The following NT5E variants were observed in gnomAD, a reference collection of about 807,000 sequenced individuals.
The protein encoded by NT5E is 5'-nucleotidase.
Under a neutral mutation model 55.1 loss-of-function variants are expected in NT5E, and 53 were observed. That is an observed-to-expected ratio of 0.96 (90% CI 0.77 to 1.21). The LOEUF is 1.21. Ranked by LOEUF, NT5E falls within the 50% of genes most tolerant of loss-of-function variation. The pLI is 0.00. For synonymous variants in NT5E, 270 were observed against 278.4 expected (o/e 0.97, Z 0.30); for missense variants, 683 against 724.3 (o/e 0.94, Z 0.65).
Position 85,471,219 on chromosome 6 carries a change from A to G in NT5E, c.563-18A>G, listed in dbSNP as rs1247882980. ...AAAATTGTTAATAAATATCCATTTT[A>G]TTTATTTTGTTCCTTAGGGACAAAT... On this transcript the variant is annotated intron_variant, in intron 2 of 8. Transcript: ENST00000257770. 2 of 1,555,490 alleles carry G rather than the reference A, an allele frequency of 1.3e-6. No individual in the cohort carries two copies.
intron 3 of NT5E, among the ~76,000 whole-genome samples, chr6:85,480,254 C>A (rs147514614): frequency 2.0e-5 from 3 of 152,168 alleles, no homozygotes; most frequent in Admixed American, 6.5e-5. Flanking sequence ...TGTATACTAC[C>A]GGAAGATGCA....
intron 1 of NT5E, among the ~76,000 whole-genome samples, chr6:85,459,161 C>T (rs926767723): frequency 2.0e-5 from 3 of 152,004 alleles, no homozygotes; most frequent in East Asian, 1.9e-4. Flanking sequence ...AGAGAGTCTC[C>T]CAATGTTGCC....
At chr6:85,468,490 C>A (rs1229769317) in intron 2 of NT5E, among the ~76,000 whole-genome samples, 2 of 152,192 alleles carry the variant, frequency 1.3e-5, no homozygotes, top group African/African-American at 4.8e-5. Flanking sequence ...AGGATGCAGG[C>A]TCCATGAGGA....
chr6:85,491,909 G>A (rs1769793228), intron 7 of NT5E, 68 bp from the exon 8 acceptor site: 1 of 1,481,666 alleles, frequency 6.7e-7, no homozygotes, highest in East Asian at 2.3e-5. Flanking sequence ...GTAGAGTTTG[G>A]CCAAAATTCC....
intron 3 of NT5E, among the ~76,000 whole-genome samples, chr6:85,483,152 C>T (rs900274975): frequency 5.9e-5 from 9 of 152,176 alleles, no homozygotes; most frequent in Non-Finnish European, 1.2e-4. Context: ...CTACGGAAGG[C>T]AGAAAGATAA....
intron 1 of NT5E, among the ~76,000 whole-genome samples, chr6:85,464,966 C>G (rs1420022931): frequency 6.6e-6 from 1 of 152,144 alleles, no homozygotes; most frequent in Non-Finnish European, 1.5e-5. Flanking sequence ...AAGCTTGGGA[C>G]ACTTTTGAGA....
chr6:85,487,446 G>T lies in NT5E; in HGVS notation c.1061G>T (p.Arg354Leu). 1 of 1,614,160 alleles carries T rather than the reference G, an allele frequency of 6.2e-7. No homozygotes were observed. The highest frequency in any genetic ancestry group is 8.5e-7 in the Non-Finnish European group (1 of 1,180,016). The change falls in exon 5 of 9, where the codon CGC becomes CTC. Residue 354 changes from arginine to leucine, a missense_variant. Coordinates refer to ENST00000257770, the MANE Select transcript of NT5E (RefSeq NM_002526.4). ...CTGGATGGCTCCTCTCAATCATGCC[G>T]CTTTAGAGAATGCAACATGGGCAAC... ...VYLDGSSQSC[R>L]FRECNMGNLI...
At chr6:85,488,881 C>CGTT (rs1769723339) in intron 5 of NT5E, among the ~76,000 whole-genome samples, 1 of 102,708 alleles carries the variant, frequency 9.7e-6, no homozygotes, top group African/African-American at 3.4e-5. Context: ...TATGCCTGGC[C>CGTT]TTTTTTTTTT....
intron 3 of NT5E, among the ~76,000 whole-genome samples, chr6:85,475,807 C>T (rs973834036): frequency 2.6e-5 from 4 of 152,064 alleles, no homozygotes; most frequent in Non-Finnish European, 4.4e-5. Context: ...TTTCTATAGC[C>T]GCAAGTTAAA....
At chr6:85,485,178 C>G in intron 3 of NT5E, 57 bp from the exon 4 acceptor site, 1 of 1,552,666 alleles carries the variant, frequency 6.4e-7, no homozygotes. Flanking sequence ...CGCTGGCCTA[C>G]AGCCAGCCAT....
chr6:85,493,800 T>C, intron 8 of NT5E, 41 bp from the exon 9 acceptor site: 1 of 1,553,460 alleles, frequency 6.4e-7, no homozygotes, highest in Non-Finnish European at 8.9e-7. Context: ...TGATTGATAA[T>C]TACCTTTTCT....
intron 3 of NT5E, among the ~76,000 whole-genome samples, chr6:85,481,203 A>G (rs889820875): frequency 6.6e-6 from 1 of 152,230 alleles, no homozygotes; most frequent in African/African-American, 2.4e-5. Flanking sequence ...GCCCTCATGG[A>G]ACTAAATGTC....
intron 1 of NT5E, among the ~76,000 whole-genome samples, chr6:85,452,796 T>A (rs1315363356): frequency 1.3e-5 from 2 of 152,218 alleles, no homozygotes; most frequent in Non-Finnish European, 2.9e-5. Flanking sequence ...TTATTGCTGT[T>A]GTGGTATAAA....
Position 85,473,375 on chromosome 6 carries a change from A to G in NT5E, c.751+1950A>G, listed in dbSNP as rs190433234. On this transcript the variant is annotated intron_variant, in intron 3 of 8. Coordinates refer to ENST00000257770, the MANE Select transcript of NT5E (RefSeq NM_002526.4). The stretch of plus-strand genomic sequence containing the variant: ...GCCTTAGCACAGGGCCTAGTATGTT[A>G]GCTGTTCTTATTTTAGTTATGTGCT... Among the ~76,000 whole-genome samples the G allele has an allele frequency of 2.8e-4, 43 of 152,316 alleles. No individual in the cohort carries two copies. In the East Asian group the frequency reaches 6.9e-3, roughly 25 times the overall value.
chr6:85,487,343 A>C lies in NT5E; in HGVS notation c.958A>C (p.Ile320Leu). 1 of 1,613,492 alleles carries C rather than the reference A, an allele frequency of 6.2e-7. No individual in the cohort carries two copies. Among genetic ancestry groups the C allele is most frequent in the South Asian group, 1.1e-5 (1 of 91,070 alleles). ...TCTTTTCTTTCTTCTAGATCCAAGCATAAAAGCAGACATTAACAAATGGAG... is the reference window on the plus strand; with the variant it reads ...TCTTTTCTTTCTTCTAGATCCAAGCCTAAAAGCAGACATTAACAAATGGAG... ...LNSSIPEDPS[I>L]KADINKWRIK... is the part of the protein sequence containing the mutation. The change falls in exon 5 of 9, where the codon ATA (isoleucine) becomes CTA (leucine). Residue 320 changes from isoleucine (I) to leucine (L), a missense_variant. Transcript: ENST00000257770.
chr6:85,467,410 A>G (rs1769218796), intron 2 of NT5E, 128 bp downstream of exon 2: 4 of 759,162 alleles, frequency 5.3e-6, no homozygotes, highest in Non-Finnish European at 9.1e-6. Context: ...AATAACACTG[A>G]TAAAAGCAAT....
chr6:85,467,698 C>A (rs1277879859), intron 2 of NT5E, among the ~76,000 whole-genome samples: 1 of 152,188 alleles, frequency 6.6e-6, no homozygotes, highest in Non-Finnish European at 1.5e-5. Flanking sequence ...ATGATTATTA[C>A]ATGTCCAGCT....
intron 3 of NT5E, among the ~76,000 whole-genome samples, chr6:85,476,704 C>A (rs1457236348): frequency 2.0e-5 from 3 of 152,112 alleles, no homozygotes; most frequent in Non-Finnish European, 4.4e-5. Context: ...GGATGGGGAG[C>A]TGGAAAGGGG....
At chr6:85,486,766 G>C (rs1769673602) in intron 4 of NT5E, among the ~76,000 whole-genome samples, 1 of 152,154 alleles carries the variant, frequency 6.6e-6, no homozygotes, top group African/African-American at 2.4e-5. Context: ...TAGTTTCAGG[G>C]CGTCTCCCTA....
Sources: gnomAD v4.1 joint callset for allele counts (sites outside exome capture counted in the v4.1 genomes callset) on GRCh38, gnomAD v4.1.1 for gene constraint, MANE v1.5 for transcripts, NCBI Gene and HGNC (gene_info 2026-07-23, HGNC 2026-07-21) for gene names.